Variants in PRKCE observed in about 807,000 individuals in gnomAD.
PRKCE encodes the protein protein kinase C epsilon type.
PRKCE carries 16 observed loss-of-function variants against 85.4 expected under a neutral mutation model. That is an observed-to-expected ratio of 0.19 (90% CI 0.13 to 0.28). PRKCE has a LOEUF of 0.28. Ranked by LOEUF, PRKCE falls within the 10% of genes least tolerant of loss-of-function variation. The probability of loss-of-function intolerance (pLI) is 1.00; values close to 1 mark genes in which losing one functional copy is unlikely to be tolerated. For missense variants in PRKCE, 573 were observed against 975.2 expected (o/e 0.59, Z 5.49); for synonymous variants, 388 against 371.5 (o/e 1.04, Z -0.51).
intron 2 of PRKCE, among the ~76,000 whole-genome samples, chr2:45,881,700 A>G (rs573723889): frequency 6.6e-6 from 1 of 152,332 alleles, no homozygotes; most frequent in East Asian, 1.9e-4. Flanking sequence ...AAGACCCAGC[A>G]CGATGGAATG....
At chr2:46,097,667 A>G (rs1467608920) in intron 11 of PRKCE, among the ~76,000 whole-genome samples, 1 of 152,190 alleles carries the variant, frequency 6.6e-6, no homozygotes, top group Non-Finnish European at 1.5e-5. Flanking sequence ...TGCCTTTGGA[A>G]ATGTGCACTT....
intron 2 of PRKCE, among the ~76,000 whole-genome samples, chr2:45,928,641 G>A (rs1356032947): frequency 1.3e-5 from 2 of 152,172 alleles, no homozygotes; most frequent in Non-Finnish European, 2.9e-5. Flanking sequence ...AGAAGTAATG[G>A]TAGATATTTT....
At chr2:45,977,054 G>T (rs1000610915) in intron 3 of PRKCE, among the ~76,000 whole-genome samples, 1 of 151,886 alleles carries the variant, frequency 6.6e-6, no homozygotes, top group South Asian at 2.1e-4. Context: ...ACACGACCAC[G>T]CCTGGCTAAT....
chr2:45,664,484 A>G (rs946936214), intron 1 of PRKCE, among the ~76,000 whole-genome samples: 2 of 152,202 alleles, frequency 1.3e-5, no homozygotes, highest in Non-Finnish European at 2.9e-5. Flanking sequence ...TGGGGATTTT[A>G]TTAGTAATAA....
chr2:45,846,922 G>C (rs987046285), intron 2 of PRKCE, among the ~76,000 whole-genome samples: 1 of 152,208 alleles, frequency 6.6e-6, no homozygotes, highest in East Asian at 1.9e-4. Context: ...CAGAGAGGTT[G>C]GCATAGCTCT....
chr2:45,653,309 G>A (rs1235853319), intron 1 of PRKCE, among the ~76,000 whole-genome samples: 3 of 149,366 alleles, frequency 2.0e-5, no homozygotes, highest in African/African-American at 7.4e-5. Flanking sequence ...TCCAGTCTTG[G>A]CACTTGGACA....
chr2:45,771,457 C>T (rs1240089268), intron 1 of PRKCE, among the ~76,000 whole-genome samples: 4 of 152,120 alleles, frequency 2.6e-5, no homozygotes, highest in Non-Finnish European at 4.4e-5. Context: ...ACCTGTCGGC[C>T]GGCCTCAGGG....
At chr2:46,044,628 A>G (rs960467580) in intron 10 of PRKCE, among the ~76,000 whole-genome samples, 2 of 152,198 alleles carry the variant, frequency 1.3e-5, no homozygotes, top group Non-Finnish European at 2.9e-5. Context: ...AGCATTTTAA[A>G]TGCAAAGTCC....
intron 10 of PRKCE, among the ~76,000 whole-genome samples, chr2:46,058,774 C>T (rs1445534574): frequency 1.3e-5 from 2 of 152,222 alleles, no homozygotes; most frequent in Non-Finnish European, 2.9e-5. Flanking sequence ...CGGCTCACTG[C>T]AGCCTCAACC....
chr2:45,725,829 CA>C (rs56828673), intron 1 of PRKCE, among the ~76,000 whole-genome samples: 2 of 144,772 alleles, frequency 1.4e-5, no homozygotes, highest in African/African-American at 2.6e-5. Context: ...GACTCCATCT[CA>C]AAAAAAAAAC....
intron 2 of PRKCE, among the ~76,000 whole-genome samples, chr2:45,856,482 C>T (rs534915974): frequency 4.5e-4 from 68 of 152,218 alleles, no homozygotes; most frequent in South Asian, 2.1e-3. Flanking sequence ...CCACCCACCT[C>T]GGCCTCCCAG....
chr2:45,935,431 T>A (rs1699372548), intron 2 of PRKCE, among the ~76,000 whole-genome samples: 1 of 152,196 alleles, frequency 6.6e-6, no homozygotes, highest in Non-Finnish European at 1.5e-5. Flanking sequence ...TACTTTAAAA[T>A]TTGCATACTA....
chr2:45,773,109 G>T (rs923001641), intron 1 of PRKCE, among the ~76,000 whole-genome samples: 1 of 152,162 alleles, frequency 6.6e-6, no homozygotes, highest in African/African-American at 2.4e-5. Flanking sequence ...CCCTCCGAGG[G>T]GCTTTTGAGC....
chr2:46,156,062 A>C lies in PRKCE; in HGVS notation c.1921-3544A>C, dbSNP rs866750829. On this transcript the variant is annotated intron_variant, in intron 13 of 14. Coordinates refer to ENST00000306156, the MANE Select transcript of PRKCE (RefSeq NM_005400.3). ...ATAATAAAATGTTTGTTACGTGGAA[A>C]AAAAAAAAAAAAGAATGCAAATCTA... 3.2e-3 allele frequency among the ~76,000 whole-genome samples: 462 copies of C among 144,932 alleles called. 4 individuals carry two copies. The highest frequency in any genetic ancestry group is 0.011 in the African/African-American group (424 of 37,756).
At chr2:46,114,617 C>A (rs1176421721) in intron 11 of PRKCE, among the ~76,000 whole-genome samples, 2 of 151,742 alleles carry the variant, frequency 1.3e-5, no homozygotes, top group African/African-American at 4.8e-5. Context: ...GATGGAGTTT[C>A]ACCATGTTAG....
At chr2:45,977,847 A>G (rs1702581670) in intron 3 of PRKCE, among the ~76,000 whole-genome samples, 1 of 152,158 alleles carries the variant, frequency 6.6e-6, no homozygotes, top group African/African-American at 2.4e-5. Context: ...CAGCCTTTCT[A>G]GCAAGCTGTC....
chr2:46,019,690 T>C (rs1007543761), intron 10 of PRKCE, among the ~76,000 whole-genome samples: 2 of 152,164 alleles, frequency 1.3e-5, no homozygotes, highest in African/African-American at 4.8e-5. Flanking sequence ...ACGTGTCTTT[T>C]CACTTGAAGT....
intron 2 of PRKCE, among the ~76,000 whole-genome samples, chr2:45,866,184 A>G (rs1293065798): frequency 6.6e-6 from 1 of 152,166 alleles, no homozygotes; most frequent in African/African-American, 2.4e-5. Flanking sequence ...ATGGGCTAAA[A>G]CAGCAGTTCA....
rs886410767 is a variant in PRKCE, at chr2:45,774,200, A to G, written c.349-68800A>G. On this transcript the variant is annotated intron_variant, in intron 1 of 14. Transcript: ENST00000306156. The surrounding 1 kb of genome is among the most constrained non-coding windows in gnomAD (Gnocchi z 4.3). Reference sequence around the variant, plus strand: ...TTGGCTGGGACATGTTGGGCTGACCACCCCTGTGGTCAGGGCCTGCGACTG... The same window carrying G: ...TTGGCTGGGACATGTTGGGCTGACCGCCCCTGTGGTCAGGGCCTGCGACTG... Among the ~76,000 whole-genome samples the G allele has an allele frequency of 5.3e-5, 8 of 151,574 alleles. No homozygotes were observed. The highest frequency in any genetic ancestry group is 1.9e-4 in the African/African-American group (8 of 41,240).
Sources: gnomAD v4.1 joint callset for allele counts (sites outside exome capture counted in the v4.1 genomes callset) on GRCh38, gnomAD v4.1.1 for gene constraint, Gnocchi (gnomAD v3.1) non-coding constraint, MANE v1.5 for transcripts, NCBI Gene and HGNC (gene_info 2026-07-23, HGNC 2026-07-21) for gene names.